Variants in LRBA observed in about 807,000 individuals in gnomAD.
LRBA encodes lipopolysaccharide-responsive and beige-like anchor protein.
A neutral mutation model predicts 330.0 loss-of-function variants in LRBA; 176 were observed. The observed-to-expected ratio is 0.53, with a 90% CI of 0.47 to 0.60. The LOEUF (loss-of-function observed/expected upper bound fraction) is 0.60. LRBA is among the 20% of genes least tolerant of loss of function. LRBA has a pLI of 0.00. For synonymous variants in LRBA, 1,230 were observed against 1,193.0 expected, an observed-to-expected ratio of 1.03 and a Z score of -0.64; for missense variants, 3,259 against 3,444.8, an observed-to-expected ratio of 0.95 and a Z score of 1.35.
At position 150,963,196 on chromosome 4, in the gene LRBA, G is replaced by A. The variant is rs1235243847; in HGVS notation, c.217-34131C>T. 2.7e-5 allele frequency among the ~76,000 whole-genome samples: 4 copies of A among 147,590 alleles called. 1 individual carries two copies. Among genetic ancestry groups the A allele is most frequent in the African/African-American group, 1.1e-4 (4 of 37,470 alleles). On this transcript the variant is annotated intron_variant, in intron 2 of 56. Coordinates refer to ENST00000651943, the MANE Select transcript of LRBA (RefSeq NM_001364905.1). ...TCCCCCTCCCCCTCCCCTTTGCACG[G>A]TCCTCGTCTCCCCTTTGCACGGTCT... is the stretch of plus-strand genomic sequence containing the variant.
intron 2 of LRBA, among the ~76,000 whole-genome samples, chr4:151,003,327 G>T (rs1029782488): frequency 7.3e-5 from 11 of 150,726 alleles, no homozygotes; most frequent in African/African-American, 2.7e-4. Flanking sequence ...AACCTGGGAG[G>T]CGAAGGTTAC....
intron 34 of LRBA, among the ~76,000 whole-genome samples, chr4:150,769,362 A>G (rs1736241277): frequency 6.6e-6 from 1 of 152,128 alleles, no homozygotes; most frequent in African/African-American, 2.4e-5. Flanking sequence ...ACAGAGAGAG[A>G]AAGAGAGAAG....
chr4:150,805,312 A>AGGAAAGGAAG (rs1742464761), intron 33 of LRBA, among the ~76,000 whole-genome samples: 2 of 134,518 alleles, frequency 1.5e-5, no homozygotes, highest in Non-Finnish European at 3.2e-5. Flanking sequence ...AGGAAAGGAA[A>AGGAAAGGAAG]GGAAAGGAAA....
chr4:150,909,205 T>C (rs1391479854), intron 9 of LRBA, among the ~76,000 whole-genome samples: 1 of 152,218 alleles, frequency 6.6e-6, no homozygotes, highest in African/African-American at 2.4e-5. Context: ...ACTGTATTCA[T>C]ATTGTTCAAC....
At chr4:150,840,958 A>G in intron 28 of LRBA, 1 of 1,200,222 alleles carries the variant, frequency 8.3e-7, no homozygotes, top group Admixed American at 2.8e-5. Context: ...CTCAATTTGA[A>G]CATATCCACT....
chr4:150,315,229 T>C (rs1731561423), intron 51 of LRBA: 2 of 367,328 alleles, frequency 5.4e-6, no homozygotes, highest in Non-Finnish European at 9.9e-6. Context: ...ATAACGTGCC[T>C]TGCTCCTGCT....
At chr4:150,726,731 A>C (rs1051160794) in intron 36 of LRBA, among the ~76,000 whole-genome samples, 4 of 152,146 alleles carry the variant, frequency 2.6e-5, no homozygotes, top group Non-Finnish European at 5.9e-5. Flanking sequence ...ACTGCCCCCC[A>C]GTGATCCAAT....
intron 44 of LRBA, among the ~76,000 whole-genome samples, chr4:150,464,052 G>GTT (rs200489355): frequency 0.016 from 2,448 of 150,666 alleles, 34 homozygotes; most frequent in Non-Finnish European, 0.026. Flanking sequence ...ATTAGGTACT[G>GTT]TTTCATCAAG....
intron 36 of LRBA, among the ~76,000 whole-genome samples, chr4:150,689,226 G>A (rs926552793): frequency 5.3e-5 from 8 of 152,044 alleles, no homozygotes; most frequent in Admixed American, 5.2e-4. Flanking sequence ...ACCAAACACC[G>A]CATGTTCTCA....
rs894592661 is a variant in LRBA at position 150,760,161 on chromosome 4, C to T, written c.5645+1622G>A. Reference sequence around the variant, plus strand: ...TCCATATATAAACTTCAATATCATCCAATACCTCAGTGTTGAAATCAGTCG... The same window carrying T: ...TCCATATATAAACTTCAATATCATCTAATACCTCAGTGTTGAAATCAGTCG... On this transcript the variant is annotated intron_variant, in intron 35 of 56. Transcript: ENST00000651943. Among the ~76,000 whole-genome samples, 3 of 152,076 alleles carry T rather than the reference C, an allele frequency of 2.0e-5. No individual in the cohort carries two copies. The East Asian group carries it at 5.8e-4, about 29-fold the overall frequency.
intron 35 of LRBA, among the ~76,000 whole-genome samples, chr4:150,758,572 C>CT (rs35416240): frequency 0.055 from 6,398 of 116,986 alleles, 453 homozygotes; most frequent in African/African-American, 0.16. Flanking sequence ...ATCTCTTTGT[C>CT]TTTTTTTTTT....
In LRBA at chr4:150,724,903, T is replaced by TACAC. The variant is rs775904309; in HGVS notation, c.5754+10351_5754+10354dup. The stretch of plus-strand genomic sequence containing the variant: ...ATATACATATATATATGTATATATA[T>TACAC]ACACACACACACACACACATACATA... On this transcript the variant is annotated intron_variant, in intron 36 of 56. Transcript: ENST00000651943. 6.0e-3 allele frequency among the ~76,000 whole-genome samples: 868 copies of TACAC among 145,524 alleles called. 4 individuals are homozygous for TACAC. Among genetic ancestry groups the TACAC allele is most frequent in the African/African-American group, 0.021 (814 of 39,584 alleles).
At chr4:150,909,354 G>A (rs1024915970) in intron 9 of LRBA, among the ~76,000 whole-genome samples, 1 of 152,078 alleles carries the variant, frequency 6.6e-6, no homozygotes, top group African/African-American at 2.4e-5. Flanking sequence ...TAGATACCTC[G>A]TATAAGTGGA....
rs763112831 is a variant in LRBA at position 150,803,066 on chromosome 4, C to CA, written c.5518+3204dup. Reference sequence around the variant, plus strand: ...AACTAAAAACAAAAACAAAAACAAACAAAAAAAAAATATATATACACACAC... The same window carrying CA: ...AACTAAAAACAAAAACAAAAACAAACAAAAAAAAAAATATATATACACACAC... On this transcript the variant is annotated intron_variant, in intron 33 of 56. Transcript: ENST00000651943. Among the ~76,000 whole-genome samples, 131 of 54,584 alleles carry CA rather than the reference C, an allele frequency of 2.4e-3. 1 individual carries two copies. Among genetic ancestry groups the CA allele is most frequent in the African/African-American group, 7.1e-3 (115 of 16,290 alleles). The allele number at this position is 54,584 out of a possible 152,430, so 35.8% of individuals were successfully genotyped here.
At chr4:150,387,532 G>T (rs1046254320) in intron 47 of LRBA, among the ~76,000 whole-genome samples, 2 of 151,826 alleles carry the variant, frequency 1.3e-5, no homozygotes, top group Non-Finnish European at 2.9e-5. Flanking sequence ...TCTTCATCAG[G>T]GTTATTAAGG....
chr4:150,882,065 A>C (rs1728458073), intron 17 of LRBA, among the ~76,000 whole-genome samples: 2 of 152,232 alleles, frequency 1.3e-5, no homozygotes, highest in Admixed American at 6.5e-5. Context: ...CAGCCTGGGC[A>C]ACAAGAGCAA....
At chr4:150,477,716 G>GT (rs1756873906) in intron 42 of LRBA, among the ~76,000 whole-genome samples, 1 of 152,054 alleles carries the variant, frequency 6.6e-6, no homozygotes, top group Non-Finnish European at 1.5e-5. Flanking sequence ...ATGACAGTGA[G>GT]TGAGTTTTCA....
intron 35 of LRBA, among the ~76,000 whole-genome samples, chr4:150,757,981 T>C (rs1004947637): frequency 1.3e-5 from 2 of 152,188 alleles, no homozygotes; most frequent in African/African-American, 4.8e-5. Flanking sequence ...AGAGAAAGGG[T>C]ACTATGAAAA....
intron 28 of LRBA, among the ~76,000 whole-genome samples, chr4:150,835,068 T>C (rs935852363): frequency 1.3e-5 from 2 of 152,210 alleles, no homozygotes; most frequent in African/African-American, 2.4e-5. Flanking sequence ...GGGAATCCTT[T>C]CCCCATTTCT....
Sources: gnomAD v4.1 joint callset for allele counts (sites outside exome capture counted in the v4.1 genomes callset) on GRCh38, gnomAD v4.1.1 for gene constraint, MANE v1.5 for transcripts, NCBI Gene and HGNC (gene_info 2026-07-23, HGNC 2026-07-21) for gene names.